The following ZNF664 variants were observed in gnomAD, a reference collection of about 807,000 sequenced individuals.
ZNF664 encodes zinc finger Organ of Corti 1.
In ZNF664, 10 loss-of-function variants were observed where a neutral mutation model predicts 18.2. That is an observed-to-expected ratio of 0.55 (90% CI 0.34 to 0.93). The LOEUF (loss-of-function observed/expected upper bound fraction) is 0.93. Ranked by LOEUF, ZNF664 falls within the 40% of genes least tolerant of loss-of-function variation. The pLI is 0.02. For missense variants in ZNF664, 193 were observed against 319.0 expected (o/e 0.61, Z 3.01); for synonymous variants, 119 against 104.2 (o/e 1.14, Z -0.86).
chr12:123,973,828 C>T, intron 1 of ZNF664, 58 bp from the exon 2 acceptor site: 1 of 1,177,764 alleles, frequency 8.5e-7, no homozygotes, highest in Non-Finnish European at 1.1e-6. Flanking sequence ...CGCCAGGGGA[C>T]CGGGGAGCCG....
intron 3 of ZNF664, among the ~76,000 whole-genome samples, chr12:124,006,885 C>T (rs183693706): frequency 4.6e-5 from 7 of 152,194 alleles, no homozygotes; most frequent in Non-Finnish European, 8.8e-5. Context: ...CCCAGTAGGA[C>T]GTTGATTTTG....
intron 3 of ZNF664, among the ~76,000 whole-genome samples, chr12:124,010,166 T>A (rs1015855333): frequency 2.6e-5 from 4 of 152,226 alleles, no homozygotes; most frequent in African/African-American, 9.6e-5. Context: ...TTTGTAGATA[T>A]ATGACCATTT....
intron 3 of ZNF664, among the ~76,000 whole-genome samples, chr12:124,003,832 T>C (rs1367239388): frequency 2.0e-5 from 3 of 152,204 alleles, no homozygotes; most frequent in Non-Finnish European, 4.4e-5. Flanking sequence ...AAAATGTGTG[T>C]ACTGAAGACT....
intron 3 of ZNF664, among the ~76,000 whole-genome samples, chr12:123,992,105 G>T (rs1254328149): frequency 6.6e-6 from 1 of 152,178 alleles, no homozygotes; most frequent in Non-Finnish European, 1.5e-5. Context: ...TTTGTCTGTT[G>T]TGAGAGAAAT....
chr12:123,995,549 T>G (rs2138391420), intron 3 of ZNF664, among the ~76,000 whole-genome samples: 1 of 150,250 alleles, frequency 6.7e-6, no homozygotes, highest in African/African-American at 2.4e-5. Flanking sequence ...TCACTCAGGC[T>G]TTGGAGAAGG....
chr12:123,987,244 A>C (rs1956836077), intron 2 of ZNF664, among the ~76,000 whole-genome samples: 1 of 152,198 alleles, frequency 6.6e-6, no homozygotes, highest in South Asian at 2.1e-4. Context: ...TCCCATCCAC[A>C]TGTAGATACG....
chr12:123,999,701 G>A (rs938836672), intron 3 of ZNF664, among the ~76,000 whole-genome samples: 1 of 152,208 alleles, frequency 6.6e-6, no homozygotes, highest in African/African-American at 2.4e-5. Context: ...GTAGGACATG[G>A]ACACTTCTTC....
At chr12:123,982,232 G>T (rs76283024) in intron 2 of ZNF664, among the ~76,000 whole-genome samples, 46,435 of 152,060 alleles carry the variant, frequency 0.31, 7,235 homozygotes, top group Middle Eastern at 0.34. Context: ...TGGAGCATGG[G>T]TACCTTGAAG....
intron 2 of ZNF664, among the ~76,000 whole-genome samples, chr12:123,976,897 G>A (rs1956699448): frequency 1.3e-5 from 2 of 152,062 alleles, no homozygotes; most frequent in Admixed American, 6.5e-5. Flanking sequence ...TGGCTAACAC[G>A]GTGAAACCCT....
intron 3 of ZNF664, among the ~76,000 whole-genome samples, chr12:124,004,188 C>G (rs534901713): frequency 6.6e-6 from 1 of 152,046 alleles, no homozygotes; most frequent in Non-Finnish European, 1.5e-5. Flanking sequence ...GGTGATAGAG[C>G]TAGAGTGTGG....
intron 3 of ZNF664, among the ~76,000 whole-genome samples, chr12:124,008,703 C>T (rs1957101031): frequency 6.6e-6 from 1 of 152,140 alleles, no homozygotes; most frequent in Admixed American, 6.6e-5. Context: ...CTTTCTTCCC[C>T]ATTCTCTACA....
chr12:123,974,625 C>T (rs900848753), intron 2 of ZNF664: 15 of 152,170 alleles, frequency 9.9e-5, no homozygotes, highest in African/African-American at 3.4e-4. Flanking sequence ...TGACTATCAA[C>T]CTCTGTCTTC....
chr12:124,007,508 A>G (rs376654133), intron 3 of ZNF664, among the ~76,000 whole-genome samples: 3 of 151,878 alleles, frequency 2.0e-5, no homozygotes, highest in East Asian at 3.9e-4. Context: ...GCCTGCAGCC[A>G]CTGCCTTTGC....
chr12:123,997,837 C>T (rs1956967890), intron 3 of ZNF664: 1 of 152,252 alleles, frequency 6.6e-6, no homozygotes, highest in South Asian at 2.1e-4. Context: ...GAATGAGTAT[C>T]AGCACTTGGT....
In ZNF664 at chr12:124,011,374, C is replaced by T. The variant is rs180734494; in HGVS notation, c.-660-7C>T. 1,104 of 1,009,040 alleles carry T rather than the reference C, an allele frequency of 1.1e-3. 1 individual carries two copies. Among genetic ancestry groups the T allele is most frequent in the Middle Eastern group, 1.5e-3 (3 of 1,992 alleles). 62.5% of individuals were successfully genotyped at this position (1,009,040 alleles called of 1,614,324 possible). On this transcript the variant is annotated splice_polypyrimidine_tract_variant and splice_region_variant and intron_variant, in intron 3 of 4. Transcript: ENST00000337815. ...GGAGCATGATATCTACAAATTCTCT[C>T]CTTCAGACCTGCAAATCCAAGAGAC...
rs1956827690 is a variant in ZNF664, at chr12:123,986,522, G to A, written c.-756-1521G>A. 2.6e-5 allele frequency among the ~76,000 whole-genome samples: 4 copies of A among 152,058 alleles called. 1 individual carries two copies. The highest frequency in any genetic ancestry group is 4.2e-4 in the South Asian group (2 of 4,814). ...GGTTTGCTGTGATTTGATGACCTCC[G>A]CAGTCATTTTGCGGATCATAACCTC... On this transcript the variant is annotated intron_variant, in intron 2 of 4. Transcript: ENST00000337815.
chr12:123,997,381 T>G (rs1282729691), intron 3 of ZNF664, among the ~76,000 whole-genome samples: 1 of 152,162 alleles, frequency 6.6e-6, no homozygotes, highest in East Asian at 1.9e-4. Context: ...AATAGAAATT[T>G]ATTGTCTCAC....
At chr12:123,993,942 G>A (rs1036322540) in intron 3 of ZNF664, among the ~76,000 whole-genome samples, 1 of 152,192 alleles carries the variant, frequency 6.6e-6, no homozygotes, top group Non-Finnish European at 1.5e-5. Context: ...TAGATGCACA[G>A]CCCATCACCC....
rs370192975 is a variant in ZNF664 at position 124,012,696 on chromosome 12, G to A, written c.552G>A (p.Ser184=). 76 of 1,613,614 alleles carry A rather than the reference G, an allele frequency of 4.7e-5. No individual in the cohort carries two copies. The highest frequency in any genetic ancestry group is 2.5e-4 in the African/African-American group (19 of 74,758). The stretch of plus-strand genomic sequence containing the variant: ...GTGGGAAGGCGTTCAGTCAGAGTTC[G>A]AGCCTCTGCATCCACCAGAGAGTCC... ...YECGKAFSQS[S]SLCIHQRVHT... The change falls in exon 5 of 5, where the codon TCG becomes TCA. Residue 184 remains serine, a synonymous_variant. Transcript: ENST00000337815.
Sources: allele counts gnomAD v4.1 joint callset (sites outside exome capture counted in the v4.1 genomes callset), GRCh38; gene constraint gnomAD v4.1.1; transcripts MANE v1.5; gene names NCBI Gene and HGNC (gene_info 2026-07-23, HGNC 2026-07-21).